MKS1: variants seen among roughly 807,000 people sequenced by gnomAD.
MKS1 encodes the protein tectonic-like complex member MKS1.
MKS1 carries 70 observed loss-of-function variants against 83.7 expected under a neutral mutation model. That is an observed-to-expected ratio of 0.84 (90% CI 0.69 to 1.02). The LOEUF (loss-of-function observed/expected upper bound fraction) is 1.02, where lower values mean the gene tolerates loss of function less well. Among genes scored for constraint, MKS1 ranks in the 50% least tolerant of loss-of-function variants. The probability of loss-of-function intolerance (pLI) is 0.00; values close to 1 mark genes in which losing one functional copy is unlikely to be tolerated. For synonymous variants in MKS1, 251 were observed against 273.4 expected (o/e 0.92, Z 0.81); for missense variants, 681 against 726.9 (o/e 0.94, Z 0.73).
At chr17:58,217,789 G>A (rs572313315) in intron 2 of MKS1, among the ~76,000 whole-genome samples, 1 of 152,310 alleles carries the variant, frequency 6.6e-6, no homozygotes, top group Admixed American at 6.5e-5. Context: ...CTGAGCAGAA[G>A]AATGAGATTC....
chr17:58,214,303 A>C lies in MKS1; in HGVS notation c.600T>G (p.Pro200=). ...FVRNNHVINT[P]LQTMHIMADL... ...CTGCCATGATGTGCATTGTCTGAAG[A>C]GGGGTGTTAATGACGTGGTTGTTCC... The change falls in exon 6 of 18, where the codon CCT becomes CCG. Residue 200 remains proline (P), a synonymous_variant. Coordinates refer to ENST00000393119, the MANE Select transcript of MKS1 (RefSeq NM_017777.4). 1.2e-6 allele frequency: 2 copies of C among 1,614,136 alleles called. No homozygotes were observed. Among genetic ancestry groups the C allele is most frequent in the Non-Finnish European group, 1.7e-6 (2 of 1,180,034 alleles).
In MKS1 at chr17:58,206,314, G is replaced by A. The variant is rs1433060710; in HGVS notation, c.1557C>T (p.Phe519=). The A allele has an allele frequency of 1.9e-6, 3 of 1,614,096 alleles. No individual in the cohort carries two copies. The highest frequency in any genetic ancestry group is 1.6e-4 in the Middle Eastern group (1 of 6,062). Residue 519 remains phenylalanine, a synonymous_variant, in exon 17 of 18, where the codon TTC becomes TTT. Transcript: ENST00000393119. ...CATTGTGAATGGAACTCTGCTGGCT[G>A]AACCCTTCCAGACGGTCCAACACAC... ...MRSVLDRLEG[F]SQQSSIHNVL...
Position 58,218,620 on chromosome 17 carries a change from T to C in MKS1, c.190A>G (p.Ser64Gly). ...GGCACATCACCACCGTAACACCCAC[T>C]GGCAGTTGGCTGAGGCCTAAAAGTG... is the stretch of plus-strand genomic sequence containing the variant. ...LATFRPQPTA[S>G]GHRPEEDEEE... The change falls in exon 2 of 18, where the codon AGT (serine) becomes GGT (glycine). Residue 64 changes from serine to glycine, a missense_variant and splice_region_variant. Around this residue, in one of 3 missense-constraint regions of MKS1, gnomAD observed 365 missense variants for 383.8 expected, o/e 0.95. Coordinates refer to ENST00000393119, the MANE Select transcript of MKS1 (RefSeq NM_017777.4). 6.3e-7 allele frequency: 1 copy of C among 1,598,214 alleles called. No homozygotes were observed. Among genetic ancestry groups the C allele is most frequent in the Non-Finnish European group, 8.6e-7 (1 of 1,165,546 alleles).
rs199684837 is a variant in MKS1 at position 58,214,788 on chromosome 17, G to C, written c.468C>G (p.Val156=). 5 of 1,606,868 alleles carry C rather than the reference G, an allele frequency of 3.1e-6. No individual in the cohort carries two copies. Among genetic ancestry groups the C allele is most frequent in the Non-Finnish European group, 4.2e-6 (5 of 1,179,762 alleles). Residue 156 remains valine, a synonymous_variant, in exon 5 of 18, where the codon GTC becomes GTG. Transcript: ENST00000393119. ...TAASEVPSFL[V]ERMANVRRRR... is the part of the protein sequence containing the mutation. ...GACGCCTGACATTTGCCATTCGCTC[G>C]ACCAAGAATGAAGGCACCTCGCTGG...
chr17:58,206,298 T>G lies in MKS1; in HGVS notation c.1573A>C (p.Ile525Leu), dbSNP rs910963522. Reference sequence around the variant, plus strand: ...GGGGACATACCTAGCACATTGTGAATGGAACTCTGCTGGCTGAACCCTTCC... The same window carrying G: ...GGGGACATACCTAGCACATTGTGAAGGGAACTCTGCTGGCTGAACCCTTCC... Reference protein sequence around the residue: ...RLEGFSQQSSIHNVLEAFRRA... With the variant: ...RLEGFSQQSSLHNVLEAFRRA... The change falls in exon 17 of 18, where the codon ATT becomes CTT. Residue 525 changes from isoleucine to leucine, a missense_variant. Ile to Leu is a conservative substitution (Grantham distance 5). This residue lies in a region of MKS1 where 310 missense variants were observed against 321.7 expected (regional missense o/e 0.96). Transcript: ENST00000393119. 2 of 1,614,142 alleles carry G rather than the reference T, an allele frequency of 1.2e-6. No individual in the cohort carries two copies. Among genetic ancestry groups the G allele is most frequent in the Non-Finnish European group, 1.7e-6 (2 of 1,180,016 alleles).
In MKS1 at chr17:58,213,011, C is replaced by A. The variant is rs1555599412; in HGVS notation, c.829G>T (p.Glu277Ter). 6.2e-7 allele frequency: 1 copy of A among 1,614,162 alleles called. No individual in the cohort carries two copies. The change falls in exon 8 of 18, where the codon GAG becomes TAG. Residue 277 changes from glutamate (E) to a stop codon, truncating the protein, a stop_gained. Transcript: ENST00000393119. LOFTEE classifies it high-confidence loss of function. ...NVSPHAQPEE[E>*]ERERRVFKDL... is the part of the protein sequence containing the mutation. ...TTGAACACTCGCCGTTCCCGCTCCT[C>A]CTCCTCCGGCTGTGCGTGGGGGGAA...
intron 14 of MKS1, 156 bp downstream of exon 14, chr17:58,207,737 AG>A (rs1567796008): frequency 4.0e-6 from 3 of 740,784 alleles, no homozygotes; most frequent in Non-Finnish European, 7.1e-6. Context: ...TCGCTAATGG[AG>A]GGGGGCAGAA....
At position 58,214,360 on chromosome 17, in the gene MKS1, G is replaced by A. The variant is rs1156392394; in HGVS notation, c.543C>T (p.Ile181=). 59 of 1,613,564 alleles carry A rather than the reference G, an allele frequency of 3.7e-5. No homozygotes were observed. Among genetic ancestry groups the A allele is most frequent in the African/African-American group, 9.3e-5 (7 of 74,874 alleles). Residue 181 remains isoleucine, a synonymous_variant, in exon 6 of 18, where the codon ATC becomes ATT. Coordinates refer to ENST00000393119, the MANE Select transcript of MKS1 (RefSeq NM_017777.4). ...GMEGGILKSR[I]VTWEPSEEFV... ...ACTCTTCTGAGGGCTCCCAGGTGAC[G>A]ATGCGTGACTTGAGGATGCCGCCCT... is the stretch of plus-strand genomic sequence containing the variant.
At chr17:58,208,340 C>A in intron 12 of MKS1, 166 bp from the exon 13 acceptor site, 1 of 950,198 alleles carries the variant, frequency 1.1e-6, no homozygotes, top group South Asian at 1.4e-5. Context: ...TGCTGCCATG[C>A]TCAAAAAGAC....
At chr17:58,214,475 C>A in intron 5 of MKS1, 88 bp from the exon 6 acceptor site, 2 of 1,592,532 alleles carry the variant, frequency 1.3e-6, no homozygotes, top group Non-Finnish European at 1.7e-6. Context: ...GAAGTTTGAG[C>A]TAGTGGACAT....
rs527377020 is a variant in MKS1 at position 58,208,426 on chromosome 17, G to A, written c.1095+87C>T. The A allele has an allele frequency of 5.5e-5, 80 of 1,465,188 alleles. No homozygotes were observed. The Middle Eastern group carries it at 7.9e-4, about 15-fold the overall frequency. The allele number at this position is 1,465,188 out of a possible 1,614,324, so 90.8% of individuals were successfully genotyped here. On this transcript the variant is annotated intron_variant, in intron 12 of 17. Transcript: ENST00000393119. ...CCAACTCTGGAATCCTCCCCAGGGC[G>A]CACAGCACTTGGCCTGATAAAACCT... is the stretch of plus-strand genomic sequence containing the variant.
rs1261258759 is a variant in MKS1, at chr17:58,205,615, C to A, written c.*464G>T. On this transcript the variant is annotated 3_prime_UTR_variant, in exon 18 of 18. Transcript: ENST00000393119. ...GCCCCAAGCAGTAGAATGAGGCTTC[C>A]CTGGAAAGAGGCTGAGACTCACAGG... The A allele has an allele frequency of 7.7e-7, 1 of 1,306,342 alleles. No individual in the cohort carries two copies. The highest frequency in any genetic ancestry group is 1.2e-5 in the South Asian group (1 of 81,034). 80.9% of individuals were successfully genotyped at this position (1,306,342 alleles called of 1,614,324 possible). A position where few individuals can be genotyped will look rare whatever the true frequency, so the allele number is the denominator to read the frequency against.
At chr17:58,213,596 C>A (rs935149007) in intron 7 of MKS1, among the ~76,000 whole-genome samples, 169 bp downstream of exon 7, 1 of 152,174 alleles carries the variant, frequency 6.6e-6, no homozygotes, top group African/African-American at 2.4e-5. Flanking sequence ...AGAAAGGAGT[C>A]CCTGGTTTTC....
chr17:58,210,037 C>T (rs1968779917), intron 11 of MKS1, among the ~76,000 whole-genome samples: 1 of 152,060 alleles, frequency 6.6e-6, no homozygotes, highest in Admixed American at 6.6e-5. Flanking sequence ...AAGGATGTTC[C>T]CTAGGTTTTT....
Position 58,218,727 on chromosome 17 carries a change from A to G in MKS1, c.83T>C (p.Val28Ala), listed in dbSNP as rs201957874. The G allele has an allele frequency of 1.2e-4, 195 of 1,613,072 alleles. No individual in the cohort carries two copies. Among genetic ancestry groups the G allele is most frequent in the Admixed American group, 4.7e-4 (28 of 59,996 alleles). ...RDPVRNLRLRVHLQRITSSNF... is the reference protein window; with the variant it reads ...RDPVRNLRLRAHLQRITSSNF... ...GCTTGATGTGATTCTTTGCAGGTGG[A>G]CTCTGTCAAGAAAAGCCCAAAATAT... The change falls in exon 2 of 18, where the codon GTC (valine) becomes GCC (alanine). Residue 28 changes from valine (V) to alanine (A), a missense_variant and splice_region_variant. Val to Ala is a moderately conservative substitution (Grantham distance 64). Around this residue, in one of 3 missense-constraint regions of MKS1, gnomAD observed 365 missense variants for 383.8 expected, o/e 0.95. Transcript: ENST00000393119.
At chr17:58,210,066 G>A (rs891075279) in intron 11 of MKS1, among the ~76,000 whole-genome samples, 4 of 152,212 alleles carry the variant, frequency 2.6e-5, no homozygotes, top group African/African-American at 9.7e-5. Flanking sequence ...CAACTCAGTA[G>A]ATGACACTGC....
rs376823839 is a variant in MKS1, at chr17:58,214,733, G to A, written c.515+8C>T. 3.0e-5 allele frequency: 48 copies of A among 1,603,342 alleles called. No individual in the cohort carries two copies. In the African/African-American group the frequency reaches 4.7e-4, roughly 16 times the overall value. On this transcript the variant is annotated splice_region_variant and intron_variant, in intron 5 of 17. Coordinates refer to ENST00000393119, the MANE Select transcript of MKS1 (RefSeq NM_017777.4). Reference sequence around the variant, plus strand: ...AAAGCTTGTCCCCCATCCCATGCCCGCACTCACATCCCTCGCCTGTCCTGC... The same window carrying A: ...AAAGCTTGTCCCCCATCCCATGCCCACACTCACATCCCTCGCCTGTCCTGC...
rs536691634 is a variant in MKS1, at chr17:58,213,904, T to C, written c.645-35A>G. The stretch of plus-strand genomic sequence containing the variant: ...AGGAAAACACCAAGGTTGAGGTCAA[T>C]GGTCCTTCAGGGAAACAAGAAGAGA... On this transcript the variant is annotated intron_variant, in intron 6 of 17. Transcript: ENST00000393119. 2.0e-5 allele frequency: 31 copies of C among 1,547,382 alleles called. No individual in the cohort carries two copies. In the South Asian group the frequency reaches 3.5e-4, roughly 17 times the overall value.
intron 12 of MKS1, 145 bp from the exon 13 acceptor site, chr17:58,208,319 CA>C (rs2143755315): frequency 1.1e-6 from 1 of 940,326 alleles, no homozygotes; most frequent in Non-Finnish European, 1.7e-6. Flanking sequence ...AAAGGACACC[CA>C]AATACAAGCT....
Sources: allele counts gnomAD v4.1 joint callset (sites outside exome capture counted in the v4.1 genomes callset), GRCh38; gene constraint gnomAD v4.1.1; regional missense constraint gnomAD v4.1.1; transcripts MANE v1.5; gene names NCBI Gene and HGNC (gene_info 2026-07-23, HGNC 2026-07-21).